DPP6: variants seen among roughly 807,000 people sequenced by gnomAD.
DPP6 encodes A-type potassium channel modulatory protein DPP6.
Under a neutral mutation model 122.6 loss-of-function variants are expected in DPP6, and 69 were observed. The observed-to-expected ratio is 0.56, with a 90% confidence interval of 0.46 to 0.69. The LOEUF (loss-of-function observed/expected upper bound fraction) is 0.69, where lower values mean the gene tolerates loss of function less well. DPP6 is among the 30% of genes least tolerant of loss of function. The probability of loss-of-function intolerance (pLI) is 0.00; values close to 1 mark genes in which losing one functional copy is unlikely to be tolerated. For synonymous variants in DPP6, 418 were observed against 433.1 expected, an observed-to-expected ratio of 0.97 and a Z score of 0.43; for missense variants, 928 against 1,116.9, an observed-to-expected ratio of 0.83 and a Z score of 2.41.
chr7:154,463,505 C>T (rs1390832202), intron 2 of DPP6, among the ~76,000 whole-genome samples: 1 of 152,102 alleles, frequency 6.6e-6, no homozygotes. Context: ...CCGCGCCCAG[C>T]CTACTTCTCC....
At chr7:154,255,501 G>C (rs28736342) in intron 1 of DPP6, among the ~76,000 whole-genome samples, 2 of 152,074 alleles carry the variant, frequency 1.3e-5, no homozygotes, top group Non-Finnish European at 2.9e-5. Flanking sequence ...TCTGCGGTGC[G>C]GGAATGGCAG....
chr7:153,897,410 A>G (rs1026937212), intron 1 of DPP6, among the ~76,000 whole-genome samples: 3 of 152,226 alleles, frequency 2.0e-5, no homozygotes, highest in Admixed American at 6.5e-5. Context: ...GAACACATCC[A>G]AGGACTGGAA....
At chr7:154,093,532 C>A (rs886834399) in intron 1 of DPP6, among the ~76,000 whole-genome samples, 50 of 110,356 alleles carry the variant, frequency 4.5e-4, no homozygotes, top group African/African-American at 1.7e-3. Flanking sequence ...CATACATACC[C>A]ACACACACAA....
intron 1 of DPP6, among the ~76,000 whole-genome samples, chr7:154,328,670 G>A (rs1171544996): frequency 1.3e-5 from 2 of 152,188 alleles, no homozygotes; most frequent in African/African-American, 4.8e-5. Flanking sequence ...ATTCTGAAAT[G>A]AGAAAAATCA....
intron 1 of DPP6, among the ~76,000 whole-genome samples, chr7:154,189,555 T>C (rs1798512972): frequency 6.6e-6 from 1 of 152,194 alleles, no homozygotes; most frequent in South Asian, 2.1e-4. Context: ...ATGAAGTAGC[T>C]CTGTGTGATG....
At chr7:154,556,434 T>A (rs1459352688) in intron 4 of DPP6, among the ~76,000 whole-genome samples, 4 of 152,168 alleles carry the variant, frequency 2.6e-5, no homozygotes, top group Admixed American at 2.6e-4. Flanking sequence ...GTATTTGACA[T>A]GAGAAACACT....
chr7:154,551,881 C>G (rs982734334), intron 4 of DPP6, among the ~76,000 whole-genome samples: 6 of 152,066 alleles, frequency 3.9e-5, no homozygotes. Flanking sequence ...GAGATAGTTG[C>G]GAATATCCTT....
At chr7:154,581,083 A>G (rs1196610160) in intron 5 of DPP6, among the ~76,000 whole-genome samples, 1 of 152,086 alleles carries the variant, frequency 6.6e-6, no homozygotes, top group African/African-American at 2.4e-5. Flanking sequence ...TAAGTATATA[A>G]GAGCCCAGGT....
chr7:154,008,633 A>G (rs1243453896), intron 1 of DPP6, among the ~76,000 whole-genome samples: 1 of 151,038 alleles, frequency 6.6e-6, no homozygotes, highest in African/African-American at 2.4e-5. Context: ...CAATAAGTAC[A>G]GTAATTAGGA....
chr7:154,267,591 A>G (rs1403442550), intron 1 of DPP6, among the ~76,000 whole-genome samples: 1 of 151,152 alleles, frequency 6.6e-6, no homozygotes, highest in Admixed American at 6.6e-5. Context: ...GTGCACATAC[A>G]TATATATGTG....
At chr7:154,644,300 C>T (rs1312262352) in intron 6 of DPP6, among the ~76,000 whole-genome samples, 1 of 152,218 alleles carries the variant, frequency 6.6e-6, no homozygotes, top group Non-Finnish European at 1.5e-5. Context: ...AGAAACCACA[C>T]TAATTGTGAT....
chr7:153,892,060 G>A (rs1799226096), intron 1 of DPP6, among the ~76,000 whole-genome samples: 1 of 152,212 alleles, frequency 6.6e-6, no homozygotes, highest in African/African-American at 2.4e-5. Context: ...ACTGGTTGAT[G>A]TATCTATGGC....
the DPP6 span, among the ~76,000 whole-genome samples, chr7:153,766,876 G>A: frequency 4.6e-5 from 7 of 152,146 alleles, no homozygotes; most frequent in Middle Eastern, 3.4e-3. Flanking sequence ...TCAATGAAAC[G>A]TCTTCTTCTC....
At chr7:153,944,796 A>G (rs745574258) in intron 1 of DPP6, among the ~76,000 whole-genome samples, 1 of 150,086 alleles carries the variant, frequency 6.7e-6, no homozygotes, top group Non-Finnish European at 1.5e-5. Context: ...ACGCCTGGCT[A>G]ATTTTTGTAT....
chr7:153,750,130 A>C, the DPP6 span, among the ~76,000 whole-genome samples: 2 of 152,216 alleles, frequency 1.3e-5, no homozygotes, highest in Non-Finnish European at 1.5e-5. Context: ...TTCACTTGGC[A>C]GATAAAGGAA....
intron 16 of DPP6, among the ~76,000 whole-genome samples, chr7:154,816,643 C>T (rs1274108213): frequency 6.6e-6 from 1 of 152,152 alleles, no homozygotes; most frequent in Admixed American, 6.5e-5. Context: ...TTGTCATCAC[C>T]TTAGTAATCA....
At chr7:153,864,672 TACACACACACACACAC>T in the DPP6 span, among the ~76,000 whole-genome samples, 3,794 of 135,252 alleles carry the variant, frequency 0.028, 144 homozygotes, top group African/African-American at 0.095. Context: ...ATAATAATAA[TACACACACACACACAC>T]ACACACACAC....
At chr7:153,825,591 A>G in the DPP6 span, among the ~76,000 whole-genome samples, 1 of 151,598 alleles carries the variant, frequency 6.6e-6, no homozygotes, top group Admixed American at 6.6e-5. Flanking sequence ...GAGACATCTC[A>G]CTCTGTTGCT....
intron 1 of DPP6, among the ~76,000 whole-genome samples, chr7:154,173,251 T>C (rs1387380821): frequency 6.6e-6 from 1 of 152,206 alleles, no homozygotes; most frequent in African/African-American, 2.4e-5. Flanking sequence ...CGAATGAGAC[T>C]CATCACAATT....
Sources: allele counts gnomAD v4.1 joint callset (sites outside exome capture counted in the v4.1 genomes callset), GRCh38; gene constraint gnomAD v4.1.1; transcripts MANE v1.5; gene names NCBI Gene and HGNC (gene_info 2026-07-23, HGNC 2026-07-21).